GNA12: variants seen among roughly 807,000 people sequenced by gnomAD.
GNA12 encodes the protein G protein subunit alpha 12, also known as guanine nucleotide-binding protein subunit alpha-12.
A neutral mutation model predicts 26.0 loss-of-function variants in GNA12; 9 were observed. The observed-to-expected ratio is 0.35, with a 90% CI of 0.21 to 0.60. The LOEUF (loss-of-function observed/expected upper bound fraction) is 0.60. GNA12 is among the 20% of genes least tolerant of loss of function. The pLI, the probability that GNA12 is intolerant of heterozygous loss-of-function variation, is 0.78. For missense variants in GNA12, 405 were observed against 525.8 expected, an observed-to-expected ratio of 0.77 and a Z score of 2.25; for synonymous variants, 264 against 219.6, an observed-to-expected ratio of 1.20 and a Z score of -1.79.
intron 1 of GNA12, among the ~76,000 whole-genome samples, chr7:2,796,326 A>G (rs1236455262): frequency 6.6e-6 from 1 of 152,240 alleles, no homozygotes; most frequent in Non-Finnish European, 1.5e-5. Flanking sequence ...ATAACAATAT[A>G]CTGTCATGAA....
Position 2,780,070 on chromosome 7 carries a change from A to ATATAT in GNA12, c.525+14853_525+14857dup, listed in dbSNP as rs1179911666. On this transcript the variant is annotated intron_variant, in intron 2 of 3. Coordinates refer to ENST00000275364, the MANE Select transcript of GNA12 (RefSeq NM_007353.3). ...TGTGTACATATATATATATATATAT[A>ATATAT]TATATATATATATATATATATATGC... 2.6e-4 allele frequency among the ~76,000 whole-genome samples: 33 copies of ATATAT among 128,250 alleles called. 1 individual carries two copies. The highest frequency in any genetic ancestry group is 2.5e-3 in the Admixed American group (32 of 12,748). The allele number at this position is 128,250 out of a possible 152,430, so 84.1% of individuals were successfully genotyped here. A position where few individuals can be genotyped will look rare whatever the true frequency, so the allele number is the denominator to read the frequency against.
At chr7:2,778,085 A>G (rs945106240) in intron 2 of GNA12, among the ~76,000 whole-genome samples, 2 of 152,234 alleles carry the variant, frequency 1.3e-5, no homozygotes, top group African/African-American at 4.8e-5. Context: ...ATGCCGCCTT[A>G]GCGGCATAGT....
chr7:2,765,608 T>C (rs911494746), intron 2 of GNA12, among the ~76,000 whole-genome samples: 4 of 150,886 alleles, frequency 2.7e-5, no homozygotes, highest in Non-Finnish European at 5.9e-5. Context: ...TTCTGTATCC[T>C]GTGTTTGTTT....
chr7:2,787,490 G>A (rs1487862364), intron 2 of GNA12, among the ~76,000 whole-genome samples: 2 of 152,158 alleles, frequency 1.3e-5, no homozygotes, highest in African/African-American at 2.4e-5. Flanking sequence ...GCCTGCTCCC[G>A]CCTAGGGGCC....
intron 1 of GNA12, among the ~76,000 whole-genome samples, chr7:2,807,681 A>G (rs568377489): frequency 8.5e-5 from 13 of 152,324 alleles, no homozygotes; most frequent in African/African-American, 3.1e-4. Flanking sequence ...CAAACTTGCG[A>G]TAAGACCAAA....
At chr7:2,761,487 T>C (rs537660805) in intron 2 of GNA12, among the ~76,000 whole-genome samples, 2 of 152,308 alleles carry the variant, frequency 1.3e-5, no homozygotes, top group African/African-American at 2.4e-5. Context: ...AGAAACTTTT[T>C]CCTAAAACCT....
chr7:2,812,436 C>T (rs2115483505), intron 1 of GNA12, among the ~76,000 whole-genome samples: 1 of 152,192 alleles, frequency 6.6e-6, no homozygotes. Context: ...TTGAGACCAG[C>T]CTGACCAACA....
intron 2 of GNA12, among the ~76,000 whole-genome samples, chr7:2,765,507 G>C (rs1167704114): frequency 1.3e-5 from 2 of 152,122 alleles, no homozygotes; most frequent in African/African-American, 4.8e-5. Context: ...GGAAGAGCAG[G>C]TGCTTTGTGA....
Position 2,787,830 on chromosome 7 carries a change from C to T in GNA12, c.525+7098G>A, listed in dbSNP as rs1414347801. Among the ~76,000 whole-genome samples, 5 of 152,200 alleles carry T rather than the reference C, an allele frequency of 3.3e-5. No homozygotes were observed. In the East Asian group the frequency reaches 9.6e-4, roughly 29 times the overall value. ...AAATGTAGTCCAGATTTGTGGTCAT[C>T]TTCTCAACTCTGTTACCACGGCAGA... On this transcript the variant is annotated intron_variant, in intron 2 of 3. Coordinates refer to ENST00000275364, the MANE Select transcript of GNA12 (RefSeq NM_007353.3).
intron 1 of GNA12, among the ~76,000 whole-genome samples, chr7:2,820,400 G>GTTTTTTTT (rs1456903154): frequency 1.2e-5 from 1 of 86,610 alleles, no homozygotes; most frequent in African/African-American, 4.6e-5. Context: ...GCTCAATAAA[G>GTTTTTTTT]CTTTTTTTTT....
intron 1 of GNA12, among the ~76,000 whole-genome samples, chr7:2,824,592 T>C (rs1793442462): frequency 1.3e-5 from 2 of 152,234 alleles, no homozygotes; most frequent in South Asian, 2.1e-4. Flanking sequence ...AAGCTCTACA[T>C]GGCAAGCATT....
chr7:2,792,163 G>T (rs537156479), intron 2 of GNA12, among the ~76,000 whole-genome samples: 1 of 152,302 alleles, frequency 6.6e-6, no homozygotes, highest in Non-Finnish European at 1.5e-5. Flanking sequence ...CTCATGTTTG[G>T]TCTTCTTCAC....
At chr7:2,839,499 T>C (rs1778928778) in intron 1 of GNA12, among the ~76,000 whole-genome samples, 1 of 152,168 alleles carries the variant, frequency 6.6e-6, no homozygotes, top group Admixed American at 6.5e-5. Flanking sequence ...TTCTCCTGCC[T>C]CAGCCTACTG....
intron 2 of GNA12, among the ~76,000 whole-genome samples, chr7:2,756,957 C>A (rs575725739): frequency 6.6e-6 from 1 of 151,936 alleles, no homozygotes; most frequent in Non-Finnish European, 1.5e-5. Context: ...GCCTGTAGTT[C>A]CAGCTACTCA....
At chr7:2,840,461 G>A (rs1037464039) in intron 1 of GNA12, among the ~76,000 whole-genome samples, 1 of 152,214 alleles carries the variant, frequency 6.6e-6, no homozygotes, top group Non-Finnish European at 1.5e-5. Flanking sequence ...CCGTGCTCTA[G>A]AAGGAGCCTG....
At chr7:2,799,869 C>G (rs1003784197) in intron 1 of GNA12, among the ~76,000 whole-genome samples, 5 of 152,134 alleles carry the variant, frequency 3.3e-5, no homozygotes, top group Non-Finnish European at 2.9e-5. Flanking sequence ...CCAAGACAAC[C>G]AGCGGCAACA....
Position 2,742,180 on chromosome 7 carries a change from C to A in GNA12, c.526-8679G>T, listed in dbSNP as rs182008105. Among the ~76,000 whole-genome samples, 264 of 151,938 alleles carry A rather than the reference C, an allele frequency of 1.7e-3. 3 individuals carry two copies. The highest frequency in any genetic ancestry group is 5.9e-3 in the African/African-American group (245 of 41,402). On this transcript the variant is annotated intron_variant, in intron 2 of 3. Transcript: ENST00000275364. ...GGGATTACAGAGGTGCACCACCATA[C>A]CTGGCTAATTTTTGTATTTTTACTA...
At chr7:2,814,112 T>C (rs376675115) in intron 1 of GNA12, among the ~76,000 whole-genome samples, 2 of 152,162 alleles carry the variant, frequency 1.3e-5, no homozygotes, top group Non-Finnish European at 2.9e-5. Context: ...TGAGTTTGAA[T>C]CACGCCTCGG....
At chr7:2,790,018 T>G (rs1308986391) in intron 2 of GNA12, among the ~76,000 whole-genome samples, 2 of 152,224 alleles carry the variant, frequency 1.3e-5, no homozygotes, top group African/African-American at 4.8e-5. Flanking sequence ...TCTTCTTGCC[T>G]AAAGCCTGCT....
Sources: allele counts gnomAD v4.1 joint callset (sites outside exome capture counted in the v4.1 genomes callset), GRCh38; gene constraint gnomAD v4.1.1; transcripts MANE v1.5; gene names NCBI Gene and HGNC (gene_info 2026-07-23, HGNC 2026-07-21).